The following DOCK2 variants were observed in gnomAD, a reference collection of about 807,000 sequenced individuals.
DOCK2 encodes the protein dedicator of cytokinesis protein 2.
Under a neutral mutation model 248.9 loss-of-function variants are expected in DOCK2, and 87 were observed. That is an observed-to-expected ratio of 0.35 (90% CI 0.29 to 0.42). The LOEUF is 0.42. DOCK2 is among the 10% of genes least tolerant of loss of function. The probability of loss-of-function intolerance (pLI) is 1.00; values close to 1 mark genes in which losing one functional copy is unlikely to be tolerated. For missense variants in DOCK2, 1,747 were observed against 2,300.2 expected (o/e 0.76, Z 4.92); for synonymous variants, 805 against 821.6 (o/e 0.98, Z 0.35).
At chr5:169,895,682 G>C (rs1773556008) in intron 27 of DOCK2, among the ~76,000 whole-genome samples, 1 of 151,772 alleles carries the variant, frequency 6.6e-6, no homozygotes, top group Non-Finnish European at 1.5e-5. Context: ...CCATCTCCTG[G>C]AATGAAATAC....
intron 44 of DOCK2, among the ~76,000 whole-genome samples, chr5:170,065,176 T>A (rs1468171237): frequency 6.6e-6 from 1 of 152,186 alleles, no homozygotes; most frequent in East Asian, 1.9e-4. Flanking sequence ...TAAGTTGTTT[T>A]CAGCTTTAAA....
intron 8 of DOCK2, among the ~76,000 whole-genome samples, chr5:169,689,018 G>C (rs916035546): frequency 2.6e-5 from 4 of 151,982 alleles, no homozygotes; most frequent in Non-Finnish European, 5.9e-5. Flanking sequence ...GATGGGAGAG[G>C]GATAGTAGTG....
intron 9 of DOCK2, chr5:169,695,450 C>T (rs1188397786): frequency 5.0e-6 from 1 of 199,118 alleles, no homozygotes; most frequent in Non-Finnish European, 1.0e-5. Context: ...TCATCCGAGT[C>T]ATCTGTAGCA....
At chr5:169,927,518 A>T (rs1031122802) in intron 27 of DOCK2, among the ~76,000 whole-genome samples, 41 of 152,356 alleles carry the variant, frequency 2.7e-4, no homozygotes, top group African/African-American at 9.1e-4. Context: ...ATTAATTTGC[A>T]GGACTTAGTA....
chr5:169,936,160 A>G (rs1280470814), intron 27 of DOCK2, among the ~76,000 whole-genome samples: 1 of 152,226 alleles, frequency 6.6e-6, no homozygotes, highest in Admixed American at 6.5e-5. Flanking sequence ...GAACAAAATC[A>G]ACAATATTTG....
chr5:169,948,876 G>A (rs755259722), intron 27 of DOCK2, among the ~76,000 whole-genome samples: 7 of 151,454 alleles, frequency 4.6e-5, no homozygotes, highest in East Asian at 1.9e-4. Context: ...CTGGTCATTC[G>A]TCCCTGCCTC....
intron 27 of DOCK2, among the ~76,000 whole-genome samples, chr5:169,926,034 G>C (rs1775432469): frequency 6.6e-6 from 1 of 152,184 alleles, no homozygotes; most frequent in African/African-American, 2.4e-5. Flanking sequence ...GTCAGCTCTG[G>C]TTAGTCTCTG....
intron 22 of DOCK2, among the ~76,000 whole-genome samples, chr5:169,735,932 G>A (rs926978920): frequency 6.6e-6 from 1 of 151,738 alleles, no homozygotes; most frequent in Non-Finnish European, 1.5e-5. Flanking sequence ...GCCTTAGCAT[G>A]GCAGAGCAGG....
At chr5:169,650,171 T>C (rs1340097322) in intron 1 of DOCK2, among the ~76,000 whole-genome samples, 1 of 152,204 alleles carries the variant, frequency 6.6e-6, no homozygotes, top group Non-Finnish European at 1.5e-5. Flanking sequence ...ACCCAGTAGG[T>C]ACTACATACT....
chr5:169,889,763 G>A (rs1416811433), intron 27 of DOCK2, among the ~76,000 whole-genome samples: 1 of 152,216 alleles, frequency 6.6e-6, no homozygotes, highest in African/African-American at 2.4e-5. Context: ...GGCTCTGGTT[G>A]TGTTCCAATA....
chr5:169,698,199 G>A (rs1366765383), intron 10 of DOCK2, among the ~76,000 whole-genome samples, 175 bp from the exon 11 acceptor site: 4 of 152,158 alleles, frequency 2.6e-5, no homozygotes, highest in East Asian at 3.9e-4. Flanking sequence ...GGTGCTGCAC[G>A]CGAGGAACCT....
intron 1 of DOCK2, among the ~76,000 whole-genome samples, chr5:169,653,153 G>A (rs1444992726): frequency 6.6e-6 from 1 of 152,208 alleles, no homozygotes; most frequent in Admixed American, 6.5e-5. Context: ...AGGAGTAAAT[G>A]CACATGGAGA....
At chr5:170,019,869 C>G (rs79028959) in intron 33 of DOCK2, among the ~76,000 whole-genome samples, 3,079 of 152,164 alleles carry the variant, frequency 0.02, 54 homozygotes, top group Non-Finnish European at 0.03. Context: ...GCCTCACCCC[C>G]TGTCCTCTCT....
rs1764493514 is a variant in DOCK2, at chr5:169,761,624, A to G, written c.2553A>G (p.Gln851=). The G allele has an allele frequency of 5.0e-6, 8 of 1,613,578 alleles. No homozygotes were observed. Among genetic ancestry groups the G allele is most frequent in the Non-Finnish European group, 6.8e-6 (8 of 1,179,554 alleles). Residue 851 remains glutamine (Q), a splice_region_variant and synonymous_variant, in exon 25 of 52, where the codon CAA becomes CAG. Coordinates refer to ENST00000520908, the MANE Select transcript of DOCK2 (RefSeq NM_004946.3). ...EIVQSNLFKK[Q]ECRDILLPVI... is the part of the protein sequence containing the mutation. The stretch of plus-strand genomic sequence containing the variant: ...TCCAGAGCAACCTCTTTAAAAAGCA[A>G]GGTGAGTACACAGCACCCTTGCTGG...
chr5:169,806,982 C>T (rs1267451153), intron 26 of DOCK2, among the ~76,000 whole-genome samples: 3 of 151,888 alleles, frequency 2.0e-5, no homozygotes, highest in Non-Finnish European at 2.9e-5. Flanking sequence ...ACAAGAGATC[C>T]GGAACCGCTG....
At chr5:169,856,070 A>G (rs1281854000) in intron 27 of DOCK2, among the ~76,000 whole-genome samples, 1 of 152,194 alleles carries the variant, frequency 6.6e-6, no homozygotes, top group African/African-American at 2.4e-5. Context: ...CTCACTTGCT[A>G]TCATGAGAAC....
At chr5:170,009,480 C>T (rs1755201430) in intron 32 of DOCK2, among the ~76,000 whole-genome samples, 1 of 152,192 alleles carries the variant, frequency 6.6e-6, no homozygotes, top group African/African-American at 2.4e-5. Flanking sequence ...ATAAACCTTG[C>T]TCATGTCCTG....
At chr5:170,015,632 C>T (rs1333076877) in intron 32 of DOCK2, among the ~76,000 whole-genome samples, 2 of 152,106 alleles carry the variant, frequency 1.3e-5, no homozygotes, top group Non-Finnish European at 2.9e-5. Context: ...CGGAGGCTTG[C>T]TGGACTCTGA....
At chr5:169,882,804 T>C in intron 27 of DOCK2, 1 of 1,551,264 alleles carries the variant, frequency 6.4e-7, no homozygotes, top group Non-Finnish European at 8.7e-7. Flanking sequence ...CCAGTGTGTC[T>C]GACTCGGTGG....
Sources: gnomAD v4.1 joint callset for allele counts (sites outside exome capture counted in the v4.1 genomes callset) on GRCh38, gnomAD v4.1.1 for gene constraint, MANE v1.5 for transcripts, NCBI Gene and HGNC (gene_info 2026-07-23, HGNC 2026-07-21) for gene names.